The following MCCC1 variants were observed in gnomAD, a reference collection of about 807,000 sequenced individuals.
MCCC1 encodes the protein methylcrotonoyl-CoA carboxylase subunit alpha, mitochondrial.
MCCC1 carries 64 observed loss-of-function variants against 83.8 expected under a neutral mutation model. The ratio of observed to expected loss-of-function variants is 0.76; its 90% CI spans 0.62 to 0.94. MCCC1 has a LOEUF of 0.94. MCCC1 is among the 40% of genes least tolerant of loss of function. The pLI is 0.00. For missense variants in MCCC1, 807 were observed against 904.7 expected, an observed-to-expected ratio of 0.89 and a Z score of 1.39; for synonymous variants, 322 against 315.4, an observed-to-expected ratio of 1.02 and a Z score of -0.22.
intron 2 of MCCC1, among the ~76,000 whole-genome samples, chr3:183,093,943 T>C (rs766358163): frequency 1.3e-5 from 2 of 152,210 alleles, no homozygotes; most frequent in Non-Finnish European, 2.9e-5. Context: ...ATCGTAGTTA[T>C]GATTTTCCAA....
chr3:183,047,793 C>A (rs1266098245), intron 9 of MCCC1, among the ~76,000 whole-genome samples: 1 of 150,976 alleles, frequency 6.6e-6, no homozygotes, highest in Non-Finnish European at 1.5e-5. Flanking sequence ...TTCTGAAAAA[C>A]AGTGAGAAAA....
At chr3:183,020,321 C>G in intron 16 of MCCC1, 84 bp from the exon 17 acceptor site, 1 of 1,146,370 alleles carries the variant, frequency 8.7e-7, no homozygotes. Context: ...TAATTGTTTC[C>G]CAGCAATTTG....
intron 1 of MCCC1, among the ~76,000 whole-genome samples, chr3:183,113,808 G>C (rs931099206): frequency 6.6e-6 from 1 of 152,248 alleles, no homozygotes; most frequent in East Asian, 1.9e-4. Context: ...AGAACCTGAG[G>C]AGGGAGTTGT....
chr3:183,045,653 C>A, intron 9 of MCCC1, 113 bp from the exon 10 acceptor site: 1 of 1,094,836 alleles, frequency 9.1e-7, no homozygotes, highest in Non-Finnish European at 1.4e-6. Context: ...AATGGTAACA[C>A]TTTGCATTTC....
chr3:183,103,284 C>T (rs1719349247), upstream of MCCC1, among the ~76,000 whole-genome samples: 1 of 152,020 alleles, frequency 6.6e-6, no homozygotes, highest in Admixed American at 6.5e-5. Context: ...GGAAGCAGAC[C>T]CGAGCGGGTT....
chr3:183,099,296 G>A lies in MCCC1; in HGVS notation c.89+56C>T. 5 of 1,539,650 alleles carry A rather than the reference G, an allele frequency of 3.2e-6. No homozygotes were observed. In the South Asian group the frequency reaches 5.9e-5, roughly 18 times the overall value. On this transcript the variant is annotated intron_variant, in intron 1 of 18. Coordinates refer to ENST00000265594, the MANE Select transcript of MCCC1 (RefSeq NM_020166.5). Reference sequence around the variant, plus strand: ...GCCGCACCTCCCACCGCTCACGCGGGTCCGTGCACCCCTCGCTCCCGCCTC... The same window carrying A: ...GCCGCACCTCCCACCGCTCACGCGGATCCGTGCACCCCTCGCTCCCGCCTC...
upstream of MCCC1, among the ~76,000 whole-genome samples, chr3:183,104,115 G>A (rs940168475): frequency 3.9e-5 from 6 of 152,172 alleles, no homozygotes; most frequent in African/African-American, 9.6e-5. Context: ...CCCGGTTCCC[G>A]CTCGCACCTC....
intron 4 of MCCC1, among the ~76,000 whole-genome samples, chr3:183,082,233 C>T (rs937033728): frequency 1.3e-5 from 2 of 152,176 alleles, no homozygotes; most frequent in African/African-American, 4.8e-5. Flanking sequence ...TTTTGGTCAA[C>T]CACAGAGTAG....
chr3:183,105,687 T>G (rs181877274), intron 1 of MCCC1, among the ~76,000 whole-genome samples: 2 of 151,604 alleles, frequency 1.3e-5, no homozygotes, highest in Non-Finnish European at 2.9e-5. Context: ...GAGTCACTAA[T>G]GGTAAAAAAG....
chr3:183,057,460 A>T, intron 7 of MCCC1, 38 bp from the exon 8 acceptor site: 1 of 1,471,606 alleles, frequency 6.8e-7, no homozygotes, highest in Non-Finnish European at 9.4e-7. Flanking sequence ...TATATTTGTT[A>T]GGGGTGATAA....
At chr3:183,034,243 G>A (rs1348999319) in intron 13 of MCCC1, among the ~76,000 whole-genome samples, 166 bp from the exon 14 acceptor site, 2 of 152,126 alleles carry the variant, frequency 1.3e-5, no homozygotes, top group Admixed American at 6.6e-5. Context: ...GAGGTCAGGA[G>A]ATCGAGACCA....
chr3:183,107,327 G>A (rs1276898914), intron 1 of MCCC1, among the ~76,000 whole-genome samples: 2 of 151,214 alleles, frequency 1.3e-5, no homozygotes, highest in African/African-American at 4.9e-5. Context: ...AGAATCGCTT[G>A]AACCCAGGAG....
At chr3:183,110,318 C>T (rs1410712778) in intron 1 of MCCC1, among the ~76,000 whole-genome samples, 1 of 151,956 alleles carries the variant, frequency 6.6e-6, no homozygotes. Flanking sequence ...AATCTTTTGC[C>T]AAGGCTGATG....
At chr3:183,099,614 A>G (rs1719019593), upstream of MCCC1, 2 of 732,688 alleles carry the variant, frequency 2.7e-6, no homozygotes, top group African/African-American at 1.8e-5. Context: ...ACACCAATCA[A>G]AGACCAGAGC....
intron 1 of MCCC1, chr3:183,099,092 A>G (rs1718954027): frequency 1.7e-6 from 1 of 582,142 alleles, no homozygotes; most frequent in Non-Finnish European, 3.1e-6. Context: ...TGGCGGGCCC[A>G]GTCCTCAGAA....
intron 7 of MCCC1, among the ~76,000 whole-genome samples, chr3:183,068,139 G>A (rs1047980324): frequency 1.3e-5 from 2 of 152,158 alleles, no homozygotes; most frequent in Admixed American, 6.6e-5. Context: ...AATGTCAGAG[G>A]CATTTGAACC....
At position 183,099,470 on chromosome 3, in the gene MCCC1, C is replaced by G; in HGVS notation, c.-30G>C. ...CTGGAGCCCGGCCACTCCGTGACTC[C>G]CCAGTACAGAGGCAGCTGCGTCCCA... On this transcript the variant is annotated 5_prime_UTR_variant, in exon 1 of 19. Coordinates refer to ENST00000265594, the MANE Select transcript of MCCC1 (RefSeq NM_020166.5). 1 of 1,586,236 alleles carries G rather than the reference C, an allele frequency of 6.3e-7. No homozygotes were observed. The highest frequency in any genetic ancestry group is 8.6e-7 in the Non-Finnish European group (1 of 1,167,024).
intron 16 of MCCC1, 28 bp from the exon 17 acceptor site, chr3:183,020,265 G>T (rs372078002): frequency 4.6e-6 from 7 of 1,508,746 alleles, no homozygotes; most frequent in African/African-American, 2.8e-5. Flanking sequence ...ACTGAAAACC[G>T]AATCAACATC....
chr3:183,105,937 A>G (rs559702005), intron 1 of MCCC1, among the ~76,000 whole-genome samples: 41 of 152,222 alleles, frequency 2.7e-4, no homozygotes, highest in African/African-American at 9.6e-4. Context: ...AAAAATACAA[A>G]TATTAGCCGG....
Sources: allele counts gnomAD v4.1 joint callset (sites outside exome capture counted in the v4.1 genomes callset), GRCh38; gene constraint gnomAD v4.1.1; transcripts MANE v1.5; gene names NCBI Gene and HGNC (gene_info 2026-07-23, HGNC 2026-07-21).